The following FBXW7 variants were observed in gnomAD, a reference collection of about 807,000 sequenced individuals.
The protein encoded by FBXW7 is F-box and WD repeat domain containing 7.
In FBXW7, 11 loss-of-function variants were observed where a neutral mutation model predicts 86.3. The observed-to-expected ratio is 0.13, with a 90% confidence interval of 0.08 to 0.21. The LOEUF is 0.21. Ranked by LOEUF, FBXW7 falls within the 10% of genes least tolerant of loss-of-function variation. The pLI is 1.00. For missense variants in FBXW7, 488 were observed against 847.4 expected, an observed-to-expected ratio of 0.58 and a Z score of 5.27; for synonymous variants, 313 against 297.9, an observed-to-expected ratio of 1.05 and a Z score of -0.52.
In FBXW7 at chr4:152,321,265, A is replaced by G. The variant is rs916152488; in HGVS notation, c.*1616T>C. Reference sequence around the variant, plus strand: ...TGGAAGAAACAGGCATACTAACATGAAAAAACACATTTTATTGCACTTAAG... The same window carrying G: ...TGGAAGAAACAGGCATACTAACATGGAAAAACACATTTTATTGCACTTAAG... On this transcript the variant is annotated 3_prime_UTR_variant, in exon 14 of 14. Transcript: ENST00000281708. 1.7e-5 allele frequency: 4 copies of G among 231,626 alleles called. No homozygotes were observed. Among genetic ancestry groups the G allele is most frequent in the Non-Finnish European group, 2.6e-5 (3 of 116,868 alleles). The allele number at this position is 231,626 out of a possible 1,614,324, so 14.3% of individuals were successfully genotyped here. A position where few individuals can be genotyped will look rare whatever the true frequency, so the allele number is the denominator to read the frequency against.
chr4:152,355,020 G>C (rs1732234411), intron 4 of FBXW7, among the ~76,000 whole-genome samples: 1 of 152,042 alleles, frequency 6.6e-6, no homozygotes, highest in African/African-American at 2.4e-5. Flanking sequence ...AATATCTTAT[G>C]ATGTTAATTT....
chr4:152,408,406 T>G (rs1737621643), intron 4 of FBXW7, among the ~76,000 whole-genome samples: 1 of 152,214 alleles, frequency 6.6e-6, no homozygotes, highest in East Asian at 1.9e-4. Context: ...GACAGACATT[T>G]GTATCTGGAG....
intron 2 of FBXW7, among the ~76,000 whole-genome samples, chr4:152,470,863 C>T (rs1405347999): frequency 1.3e-5 from 2 of 152,062 alleles, no homozygotes; most frequent in East Asian, 1.9e-4. Context: ...GATGATAAAA[C>T]TCAGTATTTT....
At chr4:152,528,053 G>A (rs1388931733) in intron 2 of FBXW7, among the ~76,000 whole-genome samples, 3 of 152,046 alleles carry the variant, frequency 2.0e-5, no homozygotes, top group Non-Finnish European at 2.9e-5. Flanking sequence ...TCCTCTCAGA[G>A]AAAAGGCTAA....
intron 2 of FBXW7, among the ~76,000 whole-genome samples, chr4:152,526,502 C>T (rs1749526762): frequency 6.6e-6 from 1 of 152,096 alleles, no homozygotes; most frequent in Non-Finnish European, 1.5e-5. Flanking sequence ...TTAAAACCCA[C>T]ATACTAATAA....
intron 2 of FBXW7, among the ~76,000 whole-genome samples, chr4:152,529,927 A>G (rs1261184964): frequency 6.6e-6 from 1 of 151,766 alleles, no homozygotes; most frequent in African/African-American, 2.4e-5. Flanking sequence ...ATGGTGGCGC[A>G]TGCCTGTGAT....
chr4:152,323,352 A>G, intron 13 of FBXW7: 1 of 635,068 alleles, frequency 1.6e-6, no homozygotes, highest in Non-Finnish European at 2.6e-6. Flanking sequence ...CTGAAACATT[A>G]ACTTTCAAGA....
intron 2 of FBXW7, among the ~76,000 whole-genome samples, chr4:152,454,114 A>C (rs1265602026): frequency 6.6e-6 from 1 of 152,166 alleles, no homozygotes; most frequent in Non-Finnish European, 1.5e-5. Context: ...AATACCAGTC[A>C]ATATTCAAAT....
chr4:152,432,654 A>C (rs111988128), intron 2 of FBXW7, among the ~76,000 whole-genome samples: 4,191 of 151,186 alleles, frequency 0.028, 115 homozygotes, highest in African/African-American at 0.064. Context: ...TAAAAACACA[A>C]AAAAAAAATT....
At chr4:152,419,538 G>C (rs558819245) in intron 2 of FBXW7, among the ~76,000 whole-genome samples, 111 of 39,262 alleles carry the variant, frequency 2.8e-3, no homozygotes, top group Non-Finnish European at 5.0e-3. Context: ...CACACACACA[G>C]AGTGGCAAAG....
intron 2 of FBXW7, among the ~76,000 whole-genome samples, chr4:152,453,901 G>A (rs1742150076): frequency 6.6e-6 from 1 of 151,958 alleles, no homozygotes; most frequent in African/African-American, 2.4e-5. Context: ...ATATTTAACA[G>A]GTACTGAAAT....
At chr4:152,421,468 T>C (rs1342030289) in intron 2 of FBXW7, among the ~76,000 whole-genome samples, 1 of 151,990 alleles carries the variant, frequency 6.6e-6, no homozygotes, top group African/African-American at 2.4e-5. Context: ...GAAGCCGAGG[T>C]GGGAGGACTG....
At chr4:152,362,894 AT>A (rs1733122425) in intron 4 of FBXW7, among the ~76,000 whole-genome samples, 1 of 151,884 alleles carries the variant, frequency 6.6e-6, no homozygotes, top group African/African-American at 2.4e-5. Context: ...AAATGAAGAT[AT>A]GTTAATCATC....
At chr4:152,391,099 C>T (rs563916623) in intron 4 of FBXW7, among the ~76,000 whole-genome samples, 85 of 152,088 alleles carry the variant, frequency 5.6e-4, no homozygotes, top group Middle Eastern at 3.4e-3. Flanking sequence ...GAAAGATAAA[C>T]ATAGTACCAT....
intron 2 of FBXW7, among the ~76,000 whole-genome samples, chr4:152,414,458 AC>A (rs1176227052): frequency 6.6e-6 from 1 of 152,072 alleles, no homozygotes; most frequent in African/African-American, 2.4e-5. Context: ...ACTTTGTGAT[AC>A]TCTGCACAGT....
intron 2 of FBXW7, among the ~76,000 whole-genome samples, chr4:152,526,141 G>A (rs999397954): frequency 1.4e-4 from 22 of 152,126 alleles, no homozygotes; most frequent in Admixed American, 1.3e-3. Flanking sequence ...TTTTAATGGG[G>A]TCGTTTTTCT....
chr4:152,403,833 G>A (rs956575495), intron 4 of FBXW7, among the ~76,000 whole-genome samples: 17 of 152,096 alleles, frequency 1.1e-4, no homozygotes, highest in African/African-American at 3.4e-4. Context: ...CTGGGGGTTG[G>A]GGACACCCAT....
At chr4:152,418,162 C>CA (rs1553973687) in intron 2 of FBXW7, among the ~76,000 whole-genome samples, 2 of 150,784 alleles carry the variant, frequency 1.3e-5, no homozygotes, top group Admixed American at 1.3e-4. Context: ...CACACACACA[C>CA]AAAATCCACT....
At chr4:152,371,526 T>C (rs1734004734) in intron 4 of FBXW7, among the ~76,000 whole-genome samples, 1 of 152,184 alleles carries the variant, frequency 6.6e-6, no homozygotes, top group Admixed American at 6.6e-5. Context: ...GGCCACTAAC[T>C]TAATTCTATC....
Sources: allele counts gnomAD v4.1 joint callset (sites outside exome capture counted in the v4.1 genomes callset), GRCh38; gene constraint gnomAD v4.1.1; transcripts MANE v1.5; gene names NCBI Gene and HGNC (gene_info 2026-07-23, HGNC 2026-07-21).